PKIA: variants seen among roughly 807,000 people sequenced by gnomAD.
The protein encoded by PKIA is cAMP-dependent protein kinase inhibitor alpha, also known as PKI-alpha.
PKIA carries 4 observed loss-of-function variants against 7.6 expected under a neutral mutation model. The ratio of observed to expected loss-of-function variants is 0.52; its 90% confidence interval spans 0.26 to 1.20. The LOEUF is 1.20. Among genes scored for constraint, PKIA ranks in the 50% most tolerant of loss-of-function variants. The pLI is 0.13. For synonymous variants in PKIA, 21 were observed against 30.7 expected, an observed-to-expected ratio of 0.68 and a Z score of 1.04; for missense variants, 73 against 86.2, an observed-to-expected ratio of 0.85 and a Z score of 0.61.
At chr8:78,533,631 G>A (rs1806446372) in intron 1 of PKIA, among the ~76,000 whole-genome samples, 1 of 152,048 alleles carries the variant, frequency 6.6e-6, no homozygotes, top group African/African-American at 2.4e-5. Flanking sequence ...CTGAGATGGA[G>A]GAGTGCTTGA....
intron 1 of PKIA, among the ~76,000 whole-genome samples, chr8:78,554,786 A>G (rs1168655000): frequency 6.6e-6 from 1 of 152,118 alleles, no homozygotes; most frequent in African/African-American, 2.4e-5. Flanking sequence ...AGATGCATTT[A>G]GGAGACATTC....
intron 2 of PKIA, among the ~76,000 whole-genome samples, chr8:78,583,899 G>A (rs1017157425): frequency 2.6e-5 from 4 of 152,120 alleles, no homozygotes; most frequent in African/African-American, 9.6e-5. Flanking sequence ...GCAACCTCTG[G>A]CATCAATGGG....
intron 2 of PKIA, chr8:78,591,233 C>T (rs1390501964): frequency 6.6e-6 from 1 of 152,626 alleles, no homozygotes; most frequent in African/African-American, 2.4e-5. Context: ...ATAGGCCCAA[C>T]TTCTAGAATC....
At chr8:78,530,454 T>G (rs902642136) in intron 1 of PKIA, among the ~76,000 whole-genome samples, 1 of 152,070 alleles carries the variant, frequency 6.6e-6, no homozygotes, top group Non-Finnish European at 1.5e-5. Context: ...TAGGAAAATC[T>G]GTAAGGGTTA....
chr8:78,583,174 T>G (rs762127547), intron 2 of PKIA, among the ~76,000 whole-genome samples: 5 of 152,164 alleles, frequency 3.3e-5, no homozygotes, highest in Admixed American at 6.6e-5. Flanking sequence ...TTGTGAAAAC[T>G]TGCCCTTTAT....
At chr8:78,541,437 A>G (rs889901316) in intron 1 of PKIA, among the ~76,000 whole-genome samples, 7 of 152,104 alleles carry the variant, frequency 4.6e-5, no homozygotes, top group Admixed American at 2.6e-4. Flanking sequence ...ACAGAAATGT[A>G]TTTCCACTGA....
chr8:78,541,848 CAGA>C (rs1373935045), intron 1 of PKIA, among the ~76,000 whole-genome samples: 2 of 146,584 alleles, frequency 1.4e-5, no homozygotes, highest in Non-Finnish European at 3.0e-5. Context: ...CCATCTCCAA[CAGA>C]AGGTTAGCTT....
chr8:78,578,912 A>G (rs1421355549), intron 2 of PKIA, among the ~76,000 whole-genome samples: 1 of 151,926 alleles, frequency 6.6e-6, no homozygotes, highest in East Asian at 1.9e-4. Context: ...CATAATTCCC[A>G]TTTCCCACTA....
intron 2 of PKIA, among the ~76,000 whole-genome samples, chr8:78,585,104 T>G (rs1291406720): frequency 6.6e-6 from 1 of 152,012 alleles, no homozygotes; most frequent in African/African-American, 2.4e-5. Flanking sequence ...TCTTGTTACC[T>G]TATAAAAAAT....
intron 2 of PKIA, among the ~76,000 whole-genome samples, chr8:78,582,341 C>T (rs1409194725): frequency 6.6e-6 from 1 of 151,970 alleles, no homozygotes; most frequent in Non-Finnish European, 1.5e-5. Context: ...AACTTAAAAT[C>T]ATGGTGGAAG....
At chr8:78,551,077 C>G (rs1006443188) in intron 1 of PKIA, among the ~76,000 whole-genome samples, 14 of 151,778 alleles carry the variant, frequency 9.2e-5, no homozygotes, top group African/African-American at 3.4e-4. Flanking sequence ...AGTAATGCCC[C>G]TCACCTCATA....
intron 1 of PKIA, among the ~76,000 whole-genome samples, chr8:78,523,961 A>AATATATAAACATTTATATTTATAAAT (rs1261513556): frequency 2.8e-5 from 3 of 107,132 alleles, no homozygotes; most frequent in African/African-American, 4.4e-5. Flanking sequence ...TTTATATATA[A>AATATATAAACATTTATATTTATAAAT]ATATATAAAC....
chr8:78,519,000 C>T (rs1219627635), intron 1 of PKIA, among the ~76,000 whole-genome samples: 1 of 151,938 alleles, frequency 6.6e-6, no homozygotes, highest in Non-Finnish European at 1.5e-5. Flanking sequence ...ATATCCTTTC[C>T]TTAAAATGTT....
At chr8:78,549,614 C>G (rs1806929206) in intron 1 of PKIA, among the ~76,000 whole-genome samples, 1 of 151,398 alleles carries the variant, frequency 6.6e-6, no homozygotes, top group Non-Finnish European at 1.5e-5. Context: ...TTATTTGATC[C>G]TATAAGCTTC....
At chr8:78,586,537 GA>G (rs1457400223) in intron 2 of PKIA, among the ~76,000 whole-genome samples, 1 of 152,164 alleles carries the variant, frequency 6.6e-6, no homozygotes, top group Non-Finnish European at 1.5e-5. Context: ...AGATTTGTGG[GA>G]GATGGAATAG....
chr8:78,563,640 A>C (rs979695935), intron 1 of PKIA, among the ~76,000 whole-genome samples: 6 of 152,122 alleles, frequency 3.9e-5, no homozygotes. Flanking sequence ...TGTCCTTCAT[A>C]AGTGAAATTT....
At chr8:78,556,437 A>AT (rs1466177714) in intron 1 of PKIA, 3 of 146,288 alleles carry the variant, frequency 2.1e-5, no homozygotes, top group African/African-American at 8.1e-5. Context: ...CAAAAATGGG[A>AT]TTTTGTTTTT....
At chr8:78,561,751 C>T (rs183571657) in intron 1 of PKIA, among the ~76,000 whole-genome samples, 4 of 152,262 alleles carry the variant, frequency 2.6e-5, no homozygotes, top group Admixed American at 2.6e-4. Flanking sequence ...TTTTGAAAAG[C>T]ATCTGTTTTC....
intron 1 of PKIA, among the ~76,000 whole-genome samples, chr8:78,553,018 G>T (rs1266896982): frequency 2.0e-5 from 3 of 147,096 alleles, no homozygotes; most frequent in Non-Finnish European, 4.5e-5. Flanking sequence ...CTCAAAAACT[G>T]TACTTTTATT....
Sources: allele counts gnomAD v4.1 joint callset (sites outside exome capture counted in the v4.1 genomes callset), GRCh38; gene constraint gnomAD v4.1.1; transcripts MANE v1.5; gene names NCBI Gene and HGNC (gene_info 2026-07-23, HGNC 2026-07-21).